The following TBL1X variants were observed in gnomAD, a reference collection of about 807,000 sequenced individuals.
TBL1X encodes F-box-like/WD repeat-containing protein TBL1X.
TBL1X carries 10 observed loss-of-function variants against 50.7 expected under a neutral mutation model. The ratio of observed to expected loss-of-function variants is 0.20; its 90% CI spans 0.12 to 0.33. The LOEUF is 0.33. Ranked by LOEUF, TBL1X falls within the 10% of genes least tolerant of loss-of-function variation. TBL1X has a pLI of 1.00. For synonymous variants in TBL1X, 190 were observed against 214.7 expected (o/e 0.88, Z 1.01); for missense variants, 340 against 504.4 (o/e 0.67, Z 3.12).
intron 2 of TBL1X, among the ~76,000 whole-genome samples, chrX:9,549,323 C>T (rs897194704): frequency 8.9e-6 from 1 of 112,390 alleles, no homozygotes; most frequent in Admixed American, 9.4e-5. Flanking sequence ...TGAGTGAGGC[C>T]ATCCAGCTAA....
intron 1 of TBL1X, among the ~76,000 whole-genome samples, chrX:9,484,153 T>C (rs2081898187): frequency 9.0e-6 from 1 of 110,935 alleles, no homozygotes; most frequent in Non-Finnish European, 1.9e-5. Context: ...TATAGGCGCA[T>C]GCCACCACAC....
chrX:9,480,284 T>TA (rs779030863), intron 1 of TBL1X, among the ~76,000 whole-genome samples: 2 of 112,124 alleles, frequency 1.8e-5, no homozygotes, highest in Admixed American at 1.9e-4. Flanking sequence ...TGGGAGGCTA[T>TA]AAGAAAGCAT....
intron 1 of TBL1X, among the ~76,000 whole-genome samples, chrX:9,483,293 C>T (rs756514177): frequency 1.7e-4 from 19 of 112,147 alleles, no homozygotes; most frequent in Admixed American, 1.2e-3. Flanking sequence ...ATGCAAGCAT[C>T]TTTTAGTTTT....
At position 9,614,863 on chromosome X, in the gene TBL1X, T is replaced by C. The variant is rs767503673; in HGVS notation, c.-130-25410T>C. Among the ~76,000 whole-genome samples the C allele has an allele frequency of 6.6e-4, 74 of 112,079 alleles. 1 individual carries two copies. Among genetic ancestry groups the C allele is most frequent in the African/African-American group, 2.3e-3 (70 of 30,836 alleles). ...GGGCTTACTTCAAGCTTTGTTTATG[T>C]GATGAAAACACCCCAGGGCTCCAGA... On this transcript the variant is annotated intron_variant, in intron 2 of 17. Coordinates refer to ENST00000645353, the MANE Select transcript of TBL1X (RefSeq NM_005647.4).
intron 1 of TBL1X, among the ~76,000 whole-genome samples, chrX:9,484,648 A>G (rs756000482): frequency 1.8e-5 from 2 of 111,020 alleles, no homozygotes; most frequent in African/African-American, 3.3e-5. Flanking sequence ...TGGTTTGTGT[A>G]TCCATTCACC....
At chrX:9,697,860 G>A (rs1375101579) in intron 12 of TBL1X, among the ~76,000 whole-genome samples, 2 of 112,097 alleles carry the variant, frequency 1.8e-5, no homozygotes, top group Non-Finnish European at 3.8e-5. Context: ...GAGACAGGAG[G>A]GTCACTTGAG....
At chrX:9,618,594 G>A (rs996827850) in intron 2 of TBL1X, among the ~76,000 whole-genome samples, 1 of 111,796 alleles carries the variant, frequency 8.9e-6, no homozygotes, top group African/African-American at 3.3e-5. Context: ...CAGAAGAATC[G>A]CTTGAACCTG....
intron 2 of TBL1X, among the ~76,000 whole-genome samples, chrX:9,512,187 A>G (rs1206498773): frequency 9.1e-6 from 1 of 110,209 alleles, no homozygotes; most frequent in African/African-American, 3.3e-5. Flanking sequence ...TGGCCTTAAC[A>G]TTGATCTTGA....
chrX:9,670,974 C>T (rs752971499), intron 5 of TBL1X, among the ~76,000 whole-genome samples: 23 of 111,759 alleles, frequency 2.1e-4, no homozygotes, highest in Admixed American at 1.9e-4. Context: ...TAAGGAAGAC[C>T]TGAATAAAAT....
intron 2 of TBL1X, among the ~76,000 whole-genome samples, chrX:9,509,082 T>TTTTTTTTTG (rs1491458294): frequency 4.9e-5 from 1 of 20,302 alleles, no homozygotes; most frequent in Non-Finnish European, 1.0e-4. Context: ...GTTTTTTTTG[T>TTTTTTTTTG]TTTTTTTTTG....
rs983726791 is a variant in TBL1X, at chrX:9,617,734, G to A, written c.-130-22539G>A. The stretch of plus-strand genomic sequence containing the variant: ...ATGCCCATAAGAGTCTTGGAGTGCC[G>A]GAAAGTATAAGCAACGCTGAGTTCC... On this transcript the variant is annotated intron_variant, in intron 2 of 17. Transcript: ENST00000645353. 7.1e-5 allele frequency among the ~76,000 whole-genome samples: 8 copies of A among 112,126 alleles called. 1 individual carries two copies. The highest frequency in any genetic ancestry group is 6.6e-4 in the Admixed American group (7 of 10,607).
intron 11 of TBL1X, 121 bp from the exon 12 acceptor site, chrX:9,697,246 CTA>C: frequency 1.1e-6 from 1 of 898,227 alleles, no homozygotes; most frequent in Non-Finnish European, 1.6e-6. Flanking sequence ...GGCTCACTCT[CTA>C]TCTCTATTGG....
chrX:9,664,872 G>A (rs1258583995), intron 5 of TBL1X, among the ~76,000 whole-genome samples: 3 of 111,153 alleles, frequency 2.7e-5, no homozygotes, highest in Admixed American at 1.9e-4. Flanking sequence ...AATACTATAG[G>A]ATGTTCAGCA....
chrX:9,654,253 G>C lies in TBL1X; in HGVS notation c.142G>C (p.Gly48Arg). 8.3e-7 allele frequency: 1 copy of C among 1,211,026 alleles called. No individual in the cohort carries two copies. Among genetic ancestry groups the C allele is most frequent in the Non-Finnish European group, 1.1e-6 (1 of 895,498 alleles). ...SHFINTSSPR[G>R]EAKMSITSDE... ...CTTCATCAACACCTCATCGCCGCGA[G>C]GTGAGGCTAAGATGAGCATAACCAG... is the stretch of plus-strand genomic sequence containing the variant. Residue 48 changes from glycine (G) to arginine (R), a missense_variant, in exon 5 of 18, where the codon GGT (glycine) becomes CGT (arginine). By Grantham distance (125) the Gly-to-Arg change is moderately radical. Around this residue, in one of 6 missense-constraint regions of TBL1X, gnomAD observed 41 missense variants for 48.6 expected, o/e 0.84. Coordinates refer to ENST00000645353, the MANE Select transcript of TBL1X (RefSeq NM_005647.4).
rs1461167295 is a variant in TBL1X at position 9,717,863 on chromosome X, T to A, written c.*1617T>A. 8.9e-6 allele frequency: 1 copy of A among 112,388 alleles called. No homozygotes were observed. Among genetic ancestry groups the A allele is most frequent in the Non-Finnish European group, 1.9e-5 (1 of 53,328 alleles). 9.3% of individuals were successfully genotyped at this position (112,388 alleles called of 1,213,427 possible). ...TCGCTAATAATTTCTGCCATCTTTATAATTTCTTTGTCTCACAGAAGACTA... is the reference window on the plus strand; with the variant it reads ...TCGCTAATAATTTCTGCCATCTTTAAAATTTCTTTGTCTCACAGAAGACTA... On this transcript the variant is annotated 3_prime_UTR_variant, in exon 18 of 18. Transcript: ENST00000645353.
At chrX:9,597,244 A>G (rs1022387915) in intron 2 of TBL1X, among the ~76,000 whole-genome samples, 2 of 111,702 alleles carry the variant, frequency 1.8e-5, no homozygotes, top group African/African-American at 3.3e-5. Flanking sequence ...AGGACAAAAA[A>G]GTAGAGAAAA....
At chrX:9,675,815 T>C (rs1042011388) in intron 5 of TBL1X, among the ~76,000 whole-genome samples, 44 of 106,149 alleles carry the variant, frequency 4.1e-4, no homozygotes, top group African/African-American at 1.5e-3. Context: ...CGCTTGAACC[T>C]GCGAGGCGGA....
At chrX:9,539,930 A>T (rs2082206878) in intron 2 of TBL1X, among the ~76,000 whole-genome samples, 2 of 112,488 alleles carry the variant, frequency 1.8e-5, no homozygotes, top group African/African-American at 6.5e-5. Context: ...GTGCCACAGG[A>T]CTTATTTGGC....
upstream of TBL1X, among the ~76,000 whole-genome samples, chrX:9,464,112 G>A (rs1321204890): frequency 8.1e-5 from 9 of 111,693 alleles, no homozygotes; most frequent in Non-Finnish European, 1.7e-4. Flanking sequence ...GAGGTGCTGG[G>A]GAGGGGGAGT....
Sources: allele counts gnomAD v4.1 joint callset (sites outside exome capture counted in the v4.1 genomes callset), GRCh38; gene constraint gnomAD v4.1.1; regional missense constraint gnomAD v4.1.1; transcripts MANE v1.5; gene names NCBI Gene and HGNC (gene_info 2026-07-23, HGNC 2026-07-21).